Variants in TMEM120B observed in about 807,000 individuals in gnomAD.
TMEM120B encodes transmembrane protein 120B.
Under a neutral mutation model 55.5 loss-of-function variants are expected in TMEM120B, and 31 were observed. The observed-to-expected ratio is 0.56, with a 90% CI of 0.42 to 0.75. TMEM120B has a LOEUF of 0.75. Among genes scored for constraint, TMEM120B ranks in the 30% least tolerant of loss-of-function variants. The probability of loss-of-function intolerance (pLI) is 0.00; values close to 1 mark genes in which losing one functional copy is unlikely to be tolerated. For synonymous variants in TMEM120B, 203 were observed against 176.3 expected (o/e 1.15, Z -1.20); for missense variants, 399 against 425.5 (o/e 0.94, Z 0.55).
chr12:121,753,660 T>C (rs567047918), intron 5 of TMEM120B, among the ~76,000 whole-genome samples: 2 of 151,974 alleles, frequency 1.3e-5, no homozygotes, highest in Non-Finnish European at 2.9e-5. Flanking sequence ...TTATATACTT[T>C]AAAAGAACAA....
rs1874298190 is a variant in TMEM120B, at chr12:121,777,909, C to T, written c.*2187C>T. 1 of 152,170 alleles carries T rather than the reference C, an allele frequency of 6.6e-6. No homozygotes were observed. The allele number at this position is 152,170 out of a possible 1,614,324, so 9.4% of individuals were successfully genotyped here. A position where few individuals can be genotyped will look rare whatever the true frequency, so the allele number is the denominator to read the frequency against. ...GTTGATTCCCCAGGGTACGGCAGGG[C>T]CTTGGGAACCTGGGTGGGTTGGGGA... On this transcript the variant is annotated 3_prime_UTR_variant, in exon 12 of 12. Coordinates refer to ENST00000449592, the MANE Select transcript of TMEM120B (RefSeq NM_001080825.2).
At chr12:121,761,433 G>A (rs1238698986) in intron 5 of TMEM120B, among the ~76,000 whole-genome samples, 1 of 152,178 alleles carries the variant, frequency 6.6e-6, no homozygotes, top group African/African-American at 2.4e-5. Context: ...TGGGACTCAG[G>A]GAGAAAGATG....
Position 121,775,069 on chromosome 12 carries a change from A to G in TMEM120B, c.845A>G (p.Gln282Arg). ...LPFLFCGHFW[Q>R]LYNAVTLFEL... ...GCCTGCCTTCCTCTCCAGTTCTGGC[A>G]GCTCTACAATGCCGTCACGCTGTTT... The change falls in exon 11 of 12, where the codon CAG becomes CGG. Residue 282 changes from glutamine to arginine, a missense_variant. Transcript: ENST00000449592. The surrounding 1 kb of genome is among the most constrained non-coding windows in gnomAD (Gnocchi z 4.3). The G allele has an allele frequency of 1.3e-6, 2 of 1,586,600 alleles. No homozygotes were observed. The highest frequency in any genetic ancestry group is 1.7e-6 in the Non-Finnish European group (2 of 1,164,574).
At chr12:121,714,194 C>G (rs201560846) in intron 1 of TMEM120B, among the ~76,000 whole-genome samples, 4 of 152,146 alleles carry the variant, frequency 2.6e-5, no homozygotes, top group African/African-American at 9.7e-5. Context: ...GGGTCCCATC[C>G]GGTTCTCAGG....
At chr12:121,722,340 G>C (rs1894809743) in intron 1 of TMEM120B, among the ~76,000 whole-genome samples, 1 of 152,126 alleles carries the variant, frequency 6.6e-6, no homozygotes, top group Non-Finnish European at 1.5e-5. Context: ...CTTGTGATCT[G>C]CTCACCTCAG....
At chr12:121,747,142 A>G (rs1036184626) in intron 2 of TMEM120B, among the ~76,000 whole-genome samples, 2 of 152,108 alleles carry the variant, frequency 1.3e-5, no homozygotes, top group Non-Finnish European at 2.9e-5. Context: ...TATGGAAAAT[A>G]AGGCAGAGAG....
chr12:121,774,501 C>G (rs1342766564), intron 9 of TMEM120B, among the ~76,000 whole-genome samples, 157 bp from the exon 10 acceptor site: 13 of 152,142 alleles, frequency 8.5e-5, no homozygotes, highest in Non-Finnish European at 1.5e-4. Flanking sequence ...ATAGTGAATG[C>G]CCACCCAGCT....
Position 121,752,196 on chromosome 12 carries a change from T to G in TMEM120B, c.434T>G (p.Val145Gly), listed in dbSNP as rs763635722. ...ACCATCATCCTGCTCCTGGGTGCCG[T>G]GGCATGTCGATTTGTCCTTCACTAC... is the stretch of plus-strand genomic sequence containing the variant. ...YLTIILLLGA[V>G]ACRFVLHYRV... Residue 145 changes from valine to glycine, a missense_variant, in exon 5 of 12, where the codon GTG becomes GGG. This residue lies in a region of TMEM120B where 260 missense variants were observed against 303.9 expected (regional missense o/e 0.86). Coordinates refer to ENST00000449592, the MANE Select transcript of TMEM120B (RefSeq NM_001080825.2). 4.3e-6 allele frequency: 7 copies of G among 1,613,796 alleles called. No homozygotes were observed. Among genetic ancestry groups the G allele is most frequent in the Non-Finnish European group, 5.9e-6 (7 of 1,179,914 alleles).
chr12:121,738,026 A>G (rs1872808675), intron 1 of TMEM120B, among the ~76,000 whole-genome samples: 1 of 151,630 alleles, frequency 6.6e-6, no homozygotes, highest in Admixed American at 6.6e-5. Context: ...AAAAAAAAAA[A>G]AAAGAAAGTC....
At chr12:121,722,909 C>G (rs1013684246) in intron 1 of TMEM120B, among the ~76,000 whole-genome samples, 3 of 145,564 alleles carry the variant, frequency 2.1e-5, no homozygotes, top group African/African-American at 7.6e-5. Context: ...AGTGCAATGG[C>G]GCGATCTTGG....
At chr12:121,762,271 CAA>C (rs796129443) in intron 6 of TMEM120B, among the ~76,000 whole-genome samples, 31 of 117,162 alleles carry the variant, frequency 2.6e-4, no homozygotes, top group Admixed American at 3.6e-4. Flanking sequence ...GACTCTGTCT[CAA>C]AAAAAAAAAA....
Position 121,779,131 on chromosome 12 carries a change from C to T in TMEM120B, c.*3409C>T, listed in dbSNP as rs924085936. The T allele has an allele frequency of 5.0e-5, 11 of 220,146 alleles. No individual in the cohort carries two copies. The highest frequency in any genetic ancestry group is 1.6e-4 in the South Asian group (2 of 12,794). 13.6% of individuals were successfully genotyped at this position (220,146 alleles called of 1,614,324 possible). ...AGGAGTGGCAGGCTTGGGGCGCCCGCGTGGAACAGTGCCAGGTCTACGTTT... is the reference window on the plus strand; with the variant it reads ...AGGAGTGGCAGGCTTGGGGCGCCCGTGTGGAACAGTGCCAGGTCTACGTTT... On this transcript the variant is annotated 3_prime_UTR_variant, in exon 12 of 12. Coordinates refer to ENST00000449592, the MANE Select transcript of TMEM120B (RefSeq NM_001080825.2).
chr12:121,733,647 C>T (rs551408522), intron 1 of TMEM120B, among the ~76,000 whole-genome samples: 2 of 152,060 alleles, frequency 1.3e-5, no homozygotes, highest in African/African-American at 4.8e-5. Flanking sequence ...AAGCAACTCT[C>T]ATGCCTCAGC....
chr12:121,775,159 A>C lies in TMEM120B; in HGVS notation c.906+29A>C. 25 of 381,716 alleles carry C rather than the reference A, an allele frequency of 6.5e-5. No homozygotes were observed. Among genetic ancestry groups the C allele is most frequent in the African/African-American group, 9.5e-5 (1 of 10,472 alleles). The allele number at this position is 381,716 out of a possible 1,614,324, so 23.6% of individuals were successfully genotyped here. A position where few individuals can be genotyped will look rare whatever the true frequency, so the allele number is the denominator to read the frequency against. ...TGGGGGGTGGGGGCATGCTCGGGGG[A>C]GGTTCCCGGGAGGGCTGGGGTGGCA... On this transcript the variant is annotated intron_variant, in intron 11 of 11. Transcript: ENST00000449592. This position sits in a 1 kb window ranked among gnomAD's most constrained non-coding sequence, Gnocchi z 4.3.
At position 121,779,440 on chromosome 12, in the gene TMEM120B, A is replaced by G. The variant is rs989532916; in HGVS notation, c.*3718A>G. 8 of 1,579,114 alleles carry G rather than the reference A, an allele frequency of 5.1e-6. No homozygotes were observed. The African/African-American group carries it at 5.4e-5, about 11-fold the overall frequency. On this transcript the variant is annotated 3_prime_UTR_variant, in exon 12 of 12. Coordinates refer to ENST00000449592, the MANE Select transcript of TMEM120B (RefSeq NM_001080825.2). ...GGGATGGGGCAGCCTCCCTGGTGCA[A>G]TCGGCACCTGGGCCCCCGGGCCCTG... is the stretch of plus-strand genomic sequence containing the variant.
chr12:121,727,067 C>T (rs1044895517), intron 1 of TMEM120B, among the ~76,000 whole-genome samples: 1 of 151,564 alleles, frequency 6.6e-6, no homozygotes, highest in Admixed American at 6.6e-5. Flanking sequence ...TTTCATAACC[C>T]GGTCTCAAAA....
At chr12:121,723,079 C>G (rs886641898) in intron 1 of TMEM120B, among the ~76,000 whole-genome samples, 3 of 152,004 alleles carry the variant, frequency 2.0e-5, no homozygotes, top group Non-Finnish European at 4.4e-5. Flanking sequence ...AACTCCTGAC[C>G]TCAGGTGATC....
Position 121,780,959 on chromosome 12 carries a change from G to A in TMEM120B, c.*5237G>A. 1 of 1,614,116 alleles carries A rather than the reference G, an allele frequency of 6.2e-7. No individual in the cohort carries two copies. The highest frequency in any genetic ancestry group is 1.1e-5 in the South Asian group (1 of 91,082). On this transcript the variant is annotated 3_prime_UTR_variant, in exon 12 of 12. Coordinates refer to ENST00000449592, the MANE Select transcript of TMEM120B (RefSeq NM_001080825.2). ...TCCTCAGGTCTGTCTTGCAGCCGAT[G>A]AGCACCATGGGGATCCCGCGGCAGA...
chr12:121,736,953 GCTT>G (rs1035838917), intron 1 of TMEM120B, among the ~76,000 whole-genome samples: 2 of 152,140 alleles, frequency 1.3e-5, no homozygotes, highest in African/African-American at 4.8e-5. Flanking sequence ...TGTGGTTAAA[GCTT>G]CTATATAGCA....
Sources: allele counts gnomAD v4.1 joint callset (sites outside exome capture counted in the v4.1 genomes callset), GRCh38; gene constraint gnomAD v4.1.1; regional missense constraint gnomAD v4.1.1; non-coding constraint Gnocchi (gnomAD v3.1); transcripts MANE v1.5; gene names NCBI Gene and HGNC (gene_info 2026-07-23, HGNC 2026-07-21).